The following MYSM1 variants were observed in gnomAD, a reference collection of about 807,000 sequenced individuals.
The protein encoded by MYSM1 is deubiquitinase MYSM1.
A neutral mutation model predicts 116.0 loss-of-function variants in MYSM1; 51 were observed. That is an observed-to-expected ratio of 0.44 (90% CI 0.35 to 0.56). The LOEUF (loss-of-function observed/expected upper bound fraction) is 0.56. Ranked by LOEUF, MYSM1 falls within the 20% of genes least tolerant of loss-of-function variation. The pLI is 0.00. For missense variants in MYSM1, 900 were observed against 974.9 expected (o/e 0.92, Z 1.02); for synonymous variants, 313 against 315.2 (o/e 0.99, Z 0.07).
intron 16 of MYSM1, 33 bp downstream of exon 16, chr1:58,667,005 A>G (rs1302895656): frequency 1.4e-6 from 2 of 1,388,952 alleles, no homozygotes; most frequent in Non-Finnish European, 2.0e-6. Context: ...GGGGTGTGCA[A>G]CCATTTACAG....
At chr1:58,699,288 T>G (rs893646931) in intron 1 of MYSM1, among the ~76,000 whole-genome samples, 1 of 152,170 alleles carries the variant, frequency 6.6e-6, no homozygotes, top group African/African-American at 2.4e-5. Context: ...AACAGGATGG[T>G]AAAGAATACA....
chr1:58,699,296 A>ACATT (rs575332166), intron 1 of MYSM1, among the ~76,000 whole-genome samples: 146 of 152,360 alleles, frequency 9.6e-4, no homozygotes, highest in African/African-American at 3.4e-3. Context: ...GGTAAAGAAT[A>ACATT]CATTCAGAGG....
chr1:58,673,452 T>C (rs1644594879), intron 11 of MYSM1, 121 bp downstream of exon 11: 2 of 803,884 alleles, frequency 2.5e-6, no homozygotes, highest in African/African-American at 1.7e-5. Context: ...CAAATTAACA[T>C]GGGAATGAAC....
chr1:58,668,396 G>C, intron 14 of MYSM1: 1 of 1,227,546 alleles, frequency 8.1e-7, no homozygotes, highest in African/African-American at 1.6e-5. Context: ...CTTAAAATAG[G>C]GTTAATGATG....
At chr1:58,665,322 G>A (rs750700577) in intron 17 of MYSM1, among the ~76,000 whole-genome samples, 177 bp downstream of exon 17, 1 of 152,188 alleles carries the variant, frequency 6.6e-6, no homozygotes, top group Non-Finnish European at 1.5e-5. Flanking sequence ...AATATAGCAG[G>A]AGATTAAGAA....
intron 3 of MYSM1, among the ~76,000 whole-genome samples, chr1:58,690,740 A>C (rs1481308177): frequency 1.3e-5 from 2 of 151,946 alleles, no homozygotes; most frequent in Non-Finnish European, 2.9e-5. Flanking sequence ...GGGGCCCAAG[A>C]AAATTCTTCT....
rs1187547633 is a variant in MYSM1 at position 58,655,275 on chromosome 1, ACTT to A, written c.*4719_*4721del. The A allele has an allele frequency of 2.6e-5, 4 of 151,972 alleles. No individual in the cohort carries two copies. The highest frequency in any genetic ancestry group is 4.8e-5 in the African/African-American group (2 of 41,384). 9.4% of individuals were successfully genotyped at this position (151,972 alleles called of 1,614,324 possible). On this transcript the variant is annotated 3_prime_UTR_variant, in exon 20 of 20. Transcript: ENST00000472487. ...TAAACTATGAAAACATATTTAACTG[ACTT>A]CTTAAGAGACGAGGAAATGTCAAAA...
rs1372515825 is a variant in MYSM1 at position 58,658,926 on chromosome 1, A to C, written c.*1071T>G. 1.3e-5 allele frequency: 2 copies of C among 148,974 alleles called. No individual in the cohort carries two copies. Among genetic ancestry groups the C allele is most frequent in the Non-Finnish European group, 3.0e-5 (2 of 67,378 alleles). The allele number at this position is 148,974 out of a possible 1,614,324, so 9.2% of individuals were successfully genotyped here. The stretch of plus-strand genomic sequence containing the variant: ...TATGTTTTATGAGGCCTGTGAGTTA[A>C]CAATGGTTTTTATCATTTTAAAGGG... On this transcript the variant is annotated 3_prime_UTR_variant, in exon 20 of 20. Coordinates refer to ENST00000472487, the MANE Select transcript of MYSM1 (RefSeq NM_001085487.3).
In MYSM1 at chr1:58,659,411, C is replaced by CTA. The variant is rs1411198085; in HGVS notation, c.*584_*585dup. 6.6e-6 allele frequency: 1 copy of CTA among 152,096 alleles called. No homozygotes were observed. The highest frequency in any genetic ancestry group is 2.4e-5 in the African/African-American group (1 of 41,424). The allele number at this position is 152,096 out of a possible 1,614,324, so 9.4% of individuals were successfully genotyped here. A position where few individuals can be genotyped will look rare whatever the true frequency, so the allele number is the denominator to read the frequency against. Reference sequence around the variant, plus strand: ...TATACAATGAAATGGAAGATAGTATCTATGATTAGAAACTGGTAATTTAGT... The same window carrying CTA: ...TATACAATGAAATGGAAGATAGTATCTATATGATTAGAAACTGGTAATTTAGT... On this transcript the variant is annotated 3_prime_UTR_variant, in exon 20 of 20. Transcript: ENST00000472487.
chr1:58,672,538 C>T (rs896782705), intron 11 of MYSM1, among the ~76,000 whole-genome samples: 1 of 152,078 alleles, frequency 6.6e-6, no homozygotes, highest in Non-Finnish European at 1.5e-5. Context: ...TTGTCTGACA[C>T]ACAGTAAGCC....
At chr1:58,671,055 G>A (rs183711326) in intron 12 of MYSM1, among the ~76,000 whole-genome samples, 18 of 152,238 alleles carry the variant, frequency 1.2e-4, no homozygotes, top group South Asian at 2.1e-4. Flanking sequence ...CTTTAGAGAG[G>A]TAATATATAC....
At chr1:58,683,187 T>C (rs144854455) in intron 7 of MYSM1, among the ~76,000 whole-genome samples, 99 of 152,346 alleles carry the variant, frequency 6.5e-4, no homozygotes, top group African/African-American at 2.3e-3. Context: ...CAATATTAAG[T>C]TGAAAACAGC....
chr1:58,673,374 T>C (rs1644593348), intron 11 of MYSM1, among the ~76,000 whole-genome samples, 199 bp downstream of exon 11: 1 of 152,244 alleles, frequency 6.6e-6, no homozygotes, highest in Non-Finnish European at 1.5e-5. Flanking sequence ...AGTTCTGAAA[T>C]GAGTTAAACT....
chr1:58,695,704 AAAG>A (rs1036090663), intron 1 of MYSM1, among the ~76,000 whole-genome samples: 13 of 152,148 alleles, frequency 8.5e-5, no homozygotes, highest in African/African-American at 2.4e-4. Flanking sequence ...GAAAATACTC[AAAG>A]AAGGACAGTA....
At position 58,676,947 on chromosome 1, in the gene MYSM1, C is replaced by T. The variant is rs767475214; in HGVS notation, c.1369G>A (p.Gly457Arg). The T allele has an allele frequency of 6.2e-6, 10 of 1,611,340 alleles. No homozygotes were observed. The highest frequency in any genetic ancestry group is 8.5e-6 in the Non-Finnish European group (10 of 1,178,894). The change falls in exon 9 of 20, where the codon GGA becomes AGA. Residue 457 changes from glycine to arginine, a missense_variant. By Grantham distance (125) the Gly-to-Arg change is moderately radical (BLOSUM62 -2). Coordinates refer to ENST00000472487, the MANE Select transcript of MYSM1 (RefSeq NM_001085487.3). ...GRIHTYLELI[G>R]AINFGCEQAV... ...TTACCACATCCAAAATTGATTGCTC[C>T]TATCAATTCGAGGTATGTATGAATC...
At chr1:58,684,347 C>T (rs1644793814) in intron 7 of MYSM1, among the ~76,000 whole-genome samples, 1 of 151,934 alleles carries the variant, frequency 6.6e-6, no homozygotes, top group Admixed American at 6.6e-5. Context: ...GGGTGGATCA[C>T]GAGGTCAGGA....
At chr1:58,686,496 C>T (rs767563923) in intron 6 of MYSM1, among the ~76,000 whole-genome samples, 23 of 152,180 alleles carry the variant, frequency 1.5e-4, no homozygotes, top group Middle Eastern at 3.2e-3. Flanking sequence ...TCATGCCTTA[C>T]GGTAGCAAAT....
At chr1:58,660,511 A>AT (rs1237643584) in intron 19 of MYSM1, among the ~76,000 whole-genome samples, 1 of 152,166 alleles carries the variant, frequency 6.6e-6, no homozygotes, top group Non-Finnish European at 1.5e-5. Context: ...ATCTAGGTAC[A>AT]TAAAAACATA....
chr1:58,697,754 TAA>T (rs951194856), intron 1 of MYSM1, among the ~76,000 whole-genome samples: 1 of 151,464 alleles, frequency 6.6e-6, no homozygotes, highest in African/African-American at 2.4e-5. Flanking sequence ...CATGCCTGGC[TAA>T]GTTTGTATTT....
Sources: allele counts gnomAD v4.1 joint callset (sites outside exome capture counted in the v4.1 genomes callset), GRCh38; gene constraint gnomAD v4.1.1; transcripts MANE v1.5; gene names NCBI Gene and HGNC (gene_info 2026-07-23, HGNC 2026-07-21).